DLG2: variants seen among roughly 807,000 people sequenced by gnomAD.
The protein encoded by DLG2 is discs large MAGUK scaffold protein 2.
A neutral mutation model predicts 132.5 loss-of-function variants in DLG2; 45 were observed. The observed-to-expected ratio is 0.34, with a 90% CI of 0.27 to 0.44. DLG2 has a LOEUF of 0.44. Among genes scored for constraint, DLG2 ranks in the 20% least tolerant of loss-of-function variants. DLG2 has a pLI of 1.00. For synonymous variants in DLG2, 424 were observed against 419.6 expected (o/e 1.01, Z -0.13); for missense variants, 1,045 against 1,196.9 (o/e 0.87, Z 1.87).
chr11:83,796,067 TC>T (rs1454326611), intron 17 of DLG2, among the ~76,000 whole-genome samples: 14 of 152,374 alleles, frequency 9.2e-5, no homozygotes, highest in Admixed American at 4.6e-4. Flanking sequence ...AAGTCAGATC[TC>T]TGCTTATTGG....
chr11:84,925,200 A>G (rs2092931205), intron 6 of DLG2, among the ~76,000 whole-genome samples: 2 of 152,112 alleles, frequency 1.3e-5, no homozygotes, highest in South Asian at 4.1e-4. Flanking sequence ...GGATATTTGG[A>G]TGGCCCAGGA....
chr11:83,638,280 A>G (rs2065382173), intron 18 of DLG2, among the ~76,000 whole-genome samples: 1 of 152,186 alleles, frequency 6.6e-6, no homozygotes. Context: ...AAGATGGATG[A>G]TAATAGTAAA....
chr11:84,189,982 A>G (rs1439434681), intron 8 of DLG2, among the ~76,000 whole-genome samples: 1 of 151,916 alleles, frequency 6.6e-6, no homozygotes. Context: ...GAACTTAAAA[A>G]TTAAAGGAGA....
chr11:84,252,140 C>CTTTTTTTTTTTTTT (rs1176873990), intron 7 of DLG2, among the ~76,000 whole-genome samples: 2 of 65,338 alleles, frequency 3.1e-5, no homozygotes, highest in African/African-American at 6.9e-5. Context: ...TTCTTTCTTT[C>CTTTTTTTTTTTTTT]TTTTTTTTTT....
intron 6 of DLG2, among the ~76,000 whole-genome samples, chr11:84,723,863 T>C (rs1378654738): frequency 2.6e-5 from 4 of 152,180 alleles, no homozygotes; most frequent in Non-Finnish European, 5.9e-5. Flanking sequence ...AACAATACAC[T>C]ATTAAGCATT....
intron 3 of DLG2, among the ~76,000 whole-genome samples, chr11:85,497,170 T>A (rs919300046): frequency 6.6e-6 from 1 of 151,956 alleles, no homozygotes; most frequent in African/African-American, 2.4e-5. Context: ...GCAAGGAAGT[T>A]AAATCCTTGA....
intron 3 of DLG2, among the ~76,000 whole-genome samples, chr11:85,483,001 A>T (rs1260663956): frequency 1.3e-5 from 2 of 152,258 alleles, no homozygotes; most frequent in Non-Finnish European, 1.5e-5. Context: ...ATAAGATTTC[A>T]TAAAGGAGAA....
intron 21 of DLG2, among the ~76,000 whole-genome samples, chr11:83,528,873 G>A (rs980465013): frequency 6.6e-6 from 1 of 152,084 alleles, no homozygotes; most frequent in Admixed American, 6.6e-5. Context: ...CGGTGTTATT[G>A]CAATCAATGA....
At chr11:84,500,062 G>A (rs1209467905) in intron 7 of DLG2, among the ~76,000 whole-genome samples, 1 of 152,062 alleles carries the variant, frequency 6.6e-6, no homozygotes, top group African/African-American at 2.4e-5. Flanking sequence ...TGCTCTCAAG[G>A]AGAATACATT....
At chr11:83,541,634 C>T (rs138052658) in intron 20 of DLG2, 48 bp downstream of exon 20, 44 of 1,478,880 alleles carry the variant, frequency 3.0e-5, no homozygotes, top group East Asian at 2.7e-4. Flanking sequence ...CATCTCCACT[C>T]GCTGGATAGC....
chr11:84,303,153 T>C (rs1383329831), intron 7 of DLG2, among the ~76,000 whole-genome samples: 1 of 152,064 alleles, frequency 6.6e-6, no homozygotes, highest in African/African-American at 2.4e-5. Context: ...GTTGGAAACA[T>C]ATTTTTAAAA....
chr11:84,136,977 G>A (rs1359428522), intron 9 of DLG2, among the ~76,000 whole-genome samples: 2 of 152,130 alleles, frequency 1.3e-5, no homozygotes, highest in Admixed American at 1.3e-4. Flanking sequence ...CTGAAGGGAG[G>A]AGGCACAGCA....
intron 6 of DLG2, among the ~76,000 whole-genome samples, chr11:84,778,069 G>GTCC (rs1162477802): frequency 1.3e-5 from 2 of 152,066 alleles, no homozygotes; most frequent in Non-Finnish European, 2.9e-5. Flanking sequence ...TATTCTTCTA[G>GTCC]CATTTTTATA....
At chr11:84,252,113 G>A (rs1035902567) in intron 7 of DLG2, among the ~76,000 whole-genome samples, 4 of 144,820 alleles carry the variant, frequency 2.8e-5, no homozygotes, top group Admixed American at 6.9e-5. Context: ...CACATTATGC[G>A]TGCTGTATCC....
At chr11:84,223,108 C>G (rs898197891) in intron 8 of DLG2, among the ~76,000 whole-genome samples, 28 of 152,188 alleles carry the variant, frequency 1.8e-4, no homozygotes, top group African/African-American at 6.7e-4. Context: ...TTAAGATAAG[C>G]ACTAACTGGG....
At chr11:85,444,038 G>A (rs1412936689) in intron 3 of DLG2, among the ~76,000 whole-genome samples, 3 of 152,180 alleles carry the variant, frequency 2.0e-5, no homozygotes, top group African/African-American at 7.2e-5. Flanking sequence ...GGCAAAGTAT[G>A]ATTTTATGTA....
intron 4 of DLG2, among the ~76,000 whole-genome samples, chr11:85,276,762 T>A (rs544947000): frequency 6.0e-4 from 92 of 152,210 alleles, no homozygotes; most frequent in African/African-American, 2.2e-3. Flanking sequence ...TCAAGAAAAA[T>A]ACAGTCAATC....
At chr11:85,555,331 C>T (rs1399650670) in intron 3 of DLG2, among the ~76,000 whole-genome samples, 1 of 151,922 alleles carries the variant, frequency 6.6e-6, no homozygotes, top group Non-Finnish European at 1.5e-5. Context: ...CAACTGAGAT[C>T]TCCTATCTTA....
At chr11:84,350,563 C>A (rs2098559158) in intron 7 of DLG2, among the ~76,000 whole-genome samples, 1 of 152,132 alleles carries the variant, frequency 6.6e-6, no homozygotes, top group Non-Finnish European at 1.5e-5. Context: ...ATTGTCAATA[C>A]TGGGTTATTG....
Sources: gnomAD v4.1 joint callset for allele counts (sites outside exome capture counted in the v4.1 genomes callset) on GRCh38, gnomAD v4.1.1 for gene constraint, MANE v1.5 for transcripts, NCBI Gene and HGNC (gene_info 2026-07-23, HGNC 2026-07-21) for gene names.